The following ACTL6A variants were observed in gnomAD, a reference collection of about 807,000 sequenced individuals.
The protein encoded by ACTL6A is actin like 6A.
A neutral mutation model predicts 59.2 loss-of-function variants in ACTL6A; 5 were observed. That is an observed-to-expected ratio of 0.08 (90% CI 0.04 to 0.18). The LOEUF is 0.18. ACTL6A is among the 10% of genes least tolerant of loss of function. The pLI, the probability that ACTL6A is intolerant of heterozygous loss-of-function variation, is 1.00. For missense variants in ACTL6A, 285 were observed against 526.9 expected (o/e 0.54, Z 4.49); for synonymous variants, 154 against 171.8 (o/e 0.90, Z 0.81).
At position 179,587,925 on chromosome 3, in the gene ACTL6A, T is replaced by TAC; in HGVS notation, c.1210-3_1210-2dup. On this transcript the variant is annotated splice_region_variant and splice_polypyrimidine_tract_variant and intron_variant, in intron 13 of 13. Transcript: ENST00000429709. ...TAATTATATAAATTTCTTTCCATTT[T>TAC]ACAGGGTACCTTTCAACAGATGTGG... 1 of 1,593,888 alleles carries TAC rather than the reference T, an allele frequency of 6.3e-7. No homozygotes were observed. Among genetic ancestry groups the TAC allele is most frequent in the Non-Finnish European group, 8.5e-7 (1 of 1,174,742 alleles).
At chr3:179,582,986 G>A (rs911695376) in intron 11 of ACTL6A, among the ~76,000 whole-genome samples, 2 of 152,170 alleles carry the variant, frequency 1.3e-5, no homozygotes, top group African/African-American at 4.8e-5. Flanking sequence ...GCCTGAGGCA[G>A]GATTGTTTGA....
intron 9 of ACTL6A, 29 bp from the exon 10 acceptor site, chr3:179,580,865 T>C: frequency 6.4e-7 from 1 of 1,552,724 alleles, no homozygotes; most frequent in South Asian, 1.2e-5. Flanking sequence ...TTTTTGTCTT[T>C]TGTGTAATAC....
chr3:179,578,962 C>A lies in ACTL6A; in HGVS notation c.769-1678C>A, dbSNP rs1228015084. Among the ~76,000 whole-genome samples the A allele has an allele frequency of 2.0e-5, 3 of 152,158 alleles. No individual in the cohort carries two copies. The East Asian group carries it at 5.8e-4, about 29-fold the overall frequency. ...TGTATTCTTAGTTGGCCAGGCTGGTCTCTAACCCTTGACCTTGTGATCCAC... is the reference window on the plus strand; with the variant it reads ...TGTATTCTTAGTTGGCCAGGCTGGTATCTAACCCTTGACCTTGTGATCCAC... On this transcript the variant is annotated intron_variant, in intron 8 of 13. Coordinates refer to ENST00000429709, the MANE Select transcript of ACTL6A (RefSeq NM_004301.5).
chr3:179,576,806 A>T lies in ACTL6A; in HGVS notation c.679-18A>T, dbSNP rs1190874819. 8 of 1,613,050 alleles carry T rather than the reference A, an allele frequency of 5.0e-6. No homozygotes were observed. Among genetic ancestry groups the T allele is most frequent in the Non-Finnish European group, 6.8e-6 (8 of 1,179,262 alleles). Reference sequence around the variant, plus strand: ...ATGAAGTGAACTCCATTAACCTAGCATCTCTTGGTACTCTCAGGAAGCTGT... The same window carrying T: ...ATGAAGTGAACTCCATTAACCTAGCTTCTCTTGGTACTCTCAGGAAGCTGT... On this transcript the variant is annotated intron_variant, in intron 7 of 13. Coordinates refer to ENST00000429709, the MANE Select transcript of ACTL6A (RefSeq NM_004301.5).
intron 11 of ACTL6A, among the ~76,000 whole-genome samples, chr3:179,581,434 A>T (rs551994478): frequency 6.6e-6 from 1 of 152,360 alleles, no homozygotes; most frequent in African/African-American, 2.4e-5. Flanking sequence ...TACCCGCCAC[A>T]TGTGGCAATT....
chr3:179,574,122 G>A (rs961453807), intron 4 of ACTL6A, among the ~76,000 whole-genome samples: 1 of 152,012 alleles, frequency 6.6e-6, no homozygotes, highest in Non-Finnish European at 1.5e-5. Context: ...AAAGTCAGGA[G>A]CAATTTTATT....
chr3:179,574,886 T>G (rs1371704071), intron 5 of ACTL6A: 1 of 177,618 alleles, frequency 5.6e-6, no homozygotes, highest in Non-Finnish European at 1.2e-5. Context: ...TCTTCCCTGC[T>G]ATTTGCTTCT....
chr3:179,573,507 G>GTTTTTTTTTTTTTTTTT, intron 4 of ACTL6A, 38 bp downstream of exon 4: 2 of 962,818 alleles, frequency 2.1e-6, no homozygotes, highest in Non-Finnish European at 2.8e-6. Context: ...TTCTCTAGTT[G>GTTTTTTTTTTTTTTTTT]TTTTTTTTTT....
At chr3:179,565,151 A>C (rs1361828765) in intron 1 of ACTL6A, among the ~76,000 whole-genome samples, 1 of 152,172 alleles carries the variant, frequency 6.6e-6, no homozygotes, top group Non-Finnish European at 1.5e-5. Context: ...TTCATTGATA[A>C]CAATATGTAG....
At chr3:179,583,262 TGTA>T (rs1291419277) in intron 11 of ACTL6A, 88 bp from the exon 12 acceptor site, 7 of 982,978 alleles carry the variant, frequency 7.1e-6, no homozygotes, top group South Asian at 1.5e-5. Context: ...AAAGGGAAAT[TGTA>T]GTAGAGCACA....
chr3:179,583,654 A>C, intron 12 of ACTL6A: 1 of 424,612 alleles, frequency 2.4e-6, no homozygotes, highest in Non-Finnish European at 4.2e-6. Flanking sequence ...CTCATTTATT[A>C]ATATTTAAAT....
chr3:179,572,546 C>T (rs1718038585), intron 3 of ACTL6A, among the ~76,000 whole-genome samples: 1 of 152,142 alleles, frequency 6.6e-6, no homozygotes, highest in African/African-American at 2.4e-5. Context: ...TGGCTCACGC[C>T]TGTAATCCCA....
At chr3:179,565,838 G>C (rs988649173) in intron 1 of ACTL6A, among the ~76,000 whole-genome samples, 6 of 152,136 alleles carry the variant, frequency 3.9e-5, no homozygotes, top group African/African-American at 1.4e-4. Context: ...AAGGATTTAT[G>C]TACCAAAATA....
At chr3:179,582,907 T>G (rs1718376489) in intron 11 of ACTL6A, among the ~76,000 whole-genome samples, 1 of 152,180 alleles carries the variant, frequency 6.6e-6, no homozygotes, top group South Asian at 2.1e-4. Flanking sequence ...TTGTACACAT[T>G]AAAATAATCT....
chr3:179,564,556 T>C (rs543191778), intron 1 of ACTL6A, among the ~76,000 whole-genome samples: 2 of 152,308 alleles, frequency 1.3e-5, no homozygotes, highest in East Asian at 3.9e-4. Context: ...TGGGGCTTGA[T>C]TTTTAATGAA....
chr3:179,567,841 T>C (rs1267276792), intron 1 of ACTL6A, among the ~76,000 whole-genome samples: 1 of 152,144 alleles, frequency 6.6e-6, no homozygotes, highest in African/African-American at 2.4e-5. Flanking sequence ...TAAACTTTCT[T>C]TTATATTAGA....
At position 179,563,011 on chromosome 3, in the gene ACTL6A, C is replaced by T. The variant is rs1717709021; in HGVS notation, c.-82C>T. On this transcript the variant is annotated 5_prime_UTR_variant, in exon 1 of 14. Transcript: ENST00000429709. ...GGAAGTTAAGGGAGTCAGGGGCTAT[C>T]GCTCCTCGAGACTCGCAGTCGCGGC... 2 of 1,561,056 alleles carry T rather than the reference C, an allele frequency of 1.3e-6. No individual in the cohort carries two copies. Among genetic ancestry groups the T allele is most frequent in the Non-Finnish European group, 1.7e-6 (2 of 1,150,896 alleles).
In ACTL6A at chr3:179,576,813, G is replaced by T; in HGVS notation, c.679-11G>T. ...GAACTCCATTAACCTAGCATCTCTT[G>T]GTACTCTCAGGAAGCTGTTCGTGAA... On this transcript the variant is annotated splice_polypyrimidine_tract_variant and intron_variant, in intron 7 of 13. Coordinates refer to ENST00000429709, the MANE Select transcript of ACTL6A (RefSeq NM_004301.5). 6.2e-7 allele frequency: 1 copy of T among 1,613,574 alleles called. No homozygotes were observed. The highest frequency in any genetic ancestry group is 1.1e-5 in the South Asian group (1 of 91,022).
At chr3:179,576,770 C>T in intron 7 of ACTL6A, 44 bp downstream of exon 7, 3 of 1,606,300 alleles carry the variant, frequency 1.9e-6, no homozygotes, top group Non-Finnish European at 2.6e-6. Flanking sequence ...ACTTCTAGCT[C>T]CCCCACCCCT....
Sources: gnomAD v4.1 joint callset for allele counts (sites outside exome capture counted in the v4.1 genomes callset) on GRCh38, gnomAD v4.1.1 for gene constraint, MANE v1.5 for transcripts, NCBI Gene and HGNC (gene_info 2026-07-23, HGNC 2026-07-21) for gene names.